Variants in SLC8A1 observed in about 807,000 individuals in gnomAD.
The protein encoded by SLC8A1 is sodium/calcium exchanger 1.
In SLC8A1, 18 loss-of-function variants were observed where a neutral mutation model predicts 68.3. The ratio of observed to expected loss-of-function variants is 0.26; its 90% CI spans 0.18 to 0.39. SLC8A1 has a LOEUF of 0.39. Ranked by LOEUF, SLC8A1 falls within the 10% of genes least tolerant of loss-of-function variation. The probability of loss-of-function intolerance (pLI) is 1.00; values close to 1 mark genes in which losing one functional copy is unlikely to be tolerated. For synonymous variants in SLC8A1, 475 were observed against 415.5 expected (o/e 1.14, Z -1.74); for missense variants, 985 against 1,156.7 (o/e 0.85, Z 2.15).
chr2:40,474,066 C>T (rs1704143239), intron 1 of SLC8A1, among the ~76,000 whole-genome samples: 1 of 152,110 alleles, frequency 6.6e-6, no homozygotes, highest in Non-Finnish European at 1.5e-5. Flanking sequence ...TTCTGCTGTC[C>T]TTTCTGTAGT....
chr2:40,407,200 G>T (rs1041398736), intron 2 of SLC8A1, among the ~76,000 whole-genome samples: 1 of 152,086 alleles, frequency 6.6e-6, no homozygotes, highest in Admixed American at 6.5e-5. Flanking sequence ...TGAGTATCTG[G>T]GATTACAGGT....
chr2:40,414,139 T>C (rs1236426688), intron 2 of SLC8A1, among the ~76,000 whole-genome samples: 1 of 152,198 alleles, frequency 6.6e-6, no homozygotes, highest in East Asian at 1.9e-4. Context: ...TTTTATGAAA[T>C]GAAACATGAA....
At chr2:40,368,490 T>A (rs1676966867) in intron 2 of SLC8A1, among the ~76,000 whole-genome samples, 1 of 152,006 alleles carries the variant, frequency 6.6e-6, no homozygotes, top group South Asian at 2.1e-4. Context: ...GGAACTGGGA[T>A]TTACCACTTT....
intron 2 of SLC8A1, among the ~76,000 whole-genome samples, chr2:40,419,324 G>A (rs1368959127): frequency 6.6e-6 from 1 of 152,156 alleles, no homozygotes; most frequent in Non-Finnish European, 1.5e-5. Context: ...CAGCTTGAGT[G>A]AATCCCATTT....
exon 2 of SLC8A1, chr2:40,428,880 C>T (rs1448104985): frequency 4.3e-6 from 7 of 1,613,664 alleles, no homozygotes; most frequent in Non-Finnish European, 5.9e-6. Flanking sequence ...TATCACCAGG[C>T]TTAAACACCA....
chr2:40,102,965 A>T (rs2125030193), exon 8 of SLC8A1: 2 of 152,302 alleles, frequency 1.3e-5, no homozygotes, highest in Non-Finnish European at 2.9e-5. Context: ...TTATAACAGA[A>T]ATATTAGCTA....
chr2:40,344,428 T>C (rs1159214007), intron 2 of SLC8A1, among the ~76,000 whole-genome samples: 3 of 152,128 alleles, frequency 2.0e-5, no homozygotes, highest in South Asian at 2.1e-4. Flanking sequence ...ACTGTCCGTA[T>C]AGACACAAAA....
intron 6 of SLC8A1, among the ~76,000 whole-genome samples, chr2:40,140,727 C>T (rs967683674): frequency 6.6e-6 from 1 of 152,222 alleles, no homozygotes; most frequent in Non-Finnish European, 1.5e-5. Flanking sequence ...TGTGTCCCTG[C>T]TGTTTGATAC....
chr2:40,380,888 G>A (rs776189073), intron 2 of SLC8A1, among the ~76,000 whole-genome samples: 26 of 152,178 alleles, frequency 1.7e-4, no homozygotes, highest in Admixed American at 7.9e-4. Context: ...ATCACCCTGC[G>A]TATGGGATCC....
At chr2:40,238,376 T>C (rs1399610989) in intron 2 of SLC8A1, among the ~76,000 whole-genome samples, 2 of 152,198 alleles carry the variant, frequency 1.3e-5, no homozygotes, top group Non-Finnish European at 2.9e-5. Context: ...TTCCAGGTGC[T>C]GTCCGTCACC....
intron 2 of SLC8A1, among the ~76,000 whole-genome samples, chr2:40,381,735 T>A (rs1681873807): frequency 6.6e-6 from 1 of 151,402 alleles, no homozygotes; most frequent in Admixed American, 6.6e-5. Context: ...AGTTCCTTTT[T>A]CAGGAAACCA....
In SLC8A1 at chr2:40,157,193, C is replaced by CCAAA. The variant is rs549372916; in HGVS notation, c.2161+3568_2161+3571dup. Among the ~76,000 whole-genome samples the CCAAA allele has an allele frequency of 5.7e-4, 87 of 152,244 alleles. 1 individual carries two copies. In the East Asian group the frequency reaches 0.01, roughly 18 times the overall value. On this transcript the variant is annotated intron_variant, in intron 6 of 7. Transcript: ENST00000406785. ...ATAGGTTCTATAATAGAATTGCCTCCCAAACAACCAACTTTGGCGTTTCCA... is the reference window on the plus strand; with the variant it reads ...ATAGGTTCTATAATAGAATTGCCTCCCAAACAAACAACCAACTTTGGCGTTTCCA...
intron 2 of SLC8A1, among the ~76,000 whole-genome samples, chr2:40,387,010 G>C (rs1683777785): frequency 6.6e-6 from 1 of 151,302 alleles, no homozygotes; most frequent in Non-Finnish European, 1.5e-5. Flanking sequence ...AAGTAACTTG[G>C]ATCCTAAAAT....
chr2:40,210,475 C>T (rs1318082927), intron 2 of SLC8A1, among the ~76,000 whole-genome samples: 1 of 152,108 alleles, frequency 6.6e-6, no homozygotes, highest in African/African-American at 2.4e-5. Flanking sequence ...CAGGACCCAA[C>T]CAAATCACAT....
At chr2:40,379,422 G>C (rs1226405227) in intron 2 of SLC8A1, among the ~76,000 whole-genome samples, 1 of 152,002 alleles carries the variant, frequency 6.6e-6, no homozygotes, top group Non-Finnish European at 1.5e-5. Flanking sequence ...ACCATAATAA[G>C]ATGATACTTA....
At chr2:40,424,205 C>A (rs1308390936) in intron 2 of SLC8A1, among the ~76,000 whole-genome samples, 1 of 151,758 alleles carries the variant, frequency 6.6e-6, no homozygotes, top group East Asian at 1.9e-4. Context: ...TTTCTGATTT[C>A]TCCACACAAT....
intron 2 of SLC8A1, among the ~76,000 whole-genome samples, chr2:40,333,701 T>G (rs1236772480): frequency 6.6e-6 from 1 of 152,178 alleles, no homozygotes; most frequent in Non-Finnish European, 1.5e-5. Flanking sequence ...ATCATTATTG[T>G]AGCATACCAT....
rs1301585006 is a variant in SLC8A1, at chr2:40,320,007, A to C, written c.1808+108466T>G. 3.3e-5 allele frequency among the ~76,000 whole-genome samples: 5 copies of C among 152,110 alleles called. No individual in the cohort carries two copies. In the East Asian group the frequency reaches 9.6e-4, roughly 29 times the overall value. On this transcript the variant is annotated intron_variant, in intron 2 of 7. Transcript: ENST00000406785. ...GGCACCTCCCTTTTAAAGCTGTTAC[A>C]TGGAAATAGAATGATGGTCAAATGC...
intron 2 of SLC8A1, among the ~76,000 whole-genome samples, chr2:40,362,788 T>C (rs568943454): frequency 2.6e-5 from 4 of 152,288 alleles, no homozygotes; most frequent in East Asian, 3.9e-4. Flanking sequence ...AATTAAAACA[T>C]TGTAAAAACT....
Sources: gnomAD v4.1 joint callset for allele counts (sites outside exome capture counted in the v4.1 genomes callset) on GRCh38, gnomAD v4.1.1 for gene constraint, MANE v1.5 for transcripts, NCBI Gene and HGNC (gene_info 2026-07-23, HGNC 2026-07-21) for gene names.